The following ARHGEF4 variants were observed in gnomAD, a reference collection of about 807,000 sequenced individuals.
ARHGEF4 encodes Rho guanine nucleotide exchange factor 4.
A neutral mutation model predicts 162.0 loss-of-function variants in ARHGEF4; 119 were observed. The observed-to-expected ratio is 0.73, with a 90% confidence interval of 0.63 to 0.86. ARHGEF4 has a LOEUF of 0.86. Ranked by LOEUF, ARHGEF4 falls within the 40% of genes least tolerant of loss-of-function variation. ARHGEF4 has a pLI of 0.00. For missense variants in ARHGEF4, 2,488 were observed against 2,456.0 expected, an observed-to-expected ratio of 1.01 and a Z score of -0.28; for synonymous variants, 1,014 against 979.9, an observed-to-expected ratio of 1.03 and a Z score of -0.65.
intron 4 of ARHGEF4, among the ~76,000 whole-genome samples, chr2:130,960,068 T>TA (rs1208199634): frequency 6.6e-6 from 1 of 152,152 alleles, no homozygotes; most frequent in Non-Finnish European, 1.5e-5. Flanking sequence ...ATACACACAA[T>TA]ATATATACAG....
intron 1 of ARHGEF4, among the ~76,000 whole-genome samples, chr2:130,847,755 A>T (rs1451950300): frequency 6.6e-6 from 1 of 152,238 alleles, no homozygotes; most frequent in Non-Finnish European, 1.5e-5. Flanking sequence ...GAGGCTTCAC[A>T]GGAACAGTGC....
chr2:130,847,302 C>A (rs368395305), intron 1 of ARHGEF4, among the ~76,000 whole-genome samples: 169 of 152,274 alleles, frequency 1.1e-3, no homozygotes, highest in Admixed American at 1.8e-3. Flanking sequence ...CCTCTTGAAT[C>A]GCTTTTCACC....
intron 2 of ARHGEF4, among the ~76,000 whole-genome samples, chr2:130,926,550 G>T (rs1051251561): frequency 1.3e-5 from 2 of 152,130 alleles, no homozygotes; most frequent in African/African-American, 4.8e-5. Context: ...CTCCACTTTG[G>T]TGTGGGAAGG....
chr2:131,037,515 C>G (rs529801592), intron 5 of ARHGEF4, among the ~76,000 whole-genome samples: 4 of 152,202 alleles, frequency 2.6e-5, no homozygotes, highest in East Asian at 3.9e-4. Context: ...CTGTTTGTGA[C>G]ATTCCCATCC....
At chr2:130,999,766 G>A (rs371556625) in intron 4 of ARHGEF4, among the ~76,000 whole-genome samples, 56 of 152,240 alleles carry the variant, frequency 3.7e-4, no homozygotes, top group East Asian at 1.7e-3. Flanking sequence ...GCAGTGGCAC[G>A]ATCTTGGCTC....
At position 131,042,039 on chromosome 2, in the gene ARHGEF4, A is replaced by G. The variant is rs1404318520; in HGVS notation, c.5025+95A>G. 3 of 1,481,026 alleles carry G rather than the reference A, an allele frequency of 2.0e-6. No individual in the cohort carries two copies. The East Asian group carries it at 7.4e-5, about 36-fold the overall frequency. The allele number at this position is 1,481,026 out of a possible 1,614,324, so 91.7% of individuals were successfully genotyped here. A position where few individuals can be genotyped will look rare whatever the true frequency, so the allele number is the denominator to read the frequency against. Reference sequence around the variant, plus strand: ...GAAAAATCTAGAAGGGAGCTGAAGCAGGGAGCTGCGCTCCTGGGAGCTAGC... The same window carrying G: ...GAAAAATCTAGAAGGGAGCTGAAGCGGGGAGCTGCGCTCCTGGGAGCTAGC... On this transcript the variant is annotated intron_variant, in intron 10 of 13. Coordinates refer to ENST00000409359, the MANE Select transcript of ARHGEF4 (RefSeq NM_001367493.1).
rs80072480 is a variant in ARHGEF4, at chr2:130,995,090, A to G, written c.3986-32855A>G. Among the ~76,000 whole-genome samples the G allele has an allele frequency of 6.5e-3, 989 of 152,298 alleles. 9 individuals carry two copies. The highest frequency in any genetic ancestry group is 0.022 in the African/African-American group (933 of 41,556). Reference sequence around the variant, plus strand: ...TTGATGTCTGTCACTTATTTTGGAAAATTCTCAGCCATTCTTTTCAAACAT... The same window carrying G: ...TTGATGTCTGTCACTTATTTTGGAAGATTCTCAGCCATTCTTTTCAAACAT... On this transcript the variant is annotated intron_variant, in intron 4 of 13. Transcript: ENST00000409359.
rs1482757838 is a variant in ARHGEF4, at chr2:130,917,862, G to T, written c.3552+364G>T. On this transcript the variant is annotated intron_variant, in intron 2 of 13. Coordinates refer to ENST00000409359, the MANE Select transcript of ARHGEF4 (RefSeq NM_001367493.1). ...TTTTGAGACGGAGTCTCGCTCTGTC[G>T]CCCAGGCTGGAGTGCAGTCGCTCCA... Among the ~76,000 whole-genome samples, 3 of 126,420 alleles carry T rather than the reference G, an allele frequency of 2.4e-5. No homozygotes were observed. In the Admixed American group the frequency reaches 3.0e-4, roughly 13 times the overall value. The allele number at this position is 126,420 out of a possible 152,430, so 82.9% of individuals were successfully genotyped here.
At chr2:131,004,039 G>A (rs1200703312) in intron 4 of ARHGEF4, among the ~76,000 whole-genome samples, 1 of 152,160 alleles carries the variant, frequency 6.6e-6, no homozygotes, top group Non-Finnish European at 1.5e-5. Flanking sequence ...TAGAGCCCCT[G>A]CACACCCTGG....
intron 2 of ARHGEF4, among the ~76,000 whole-genome samples, chr2:130,918,166 G>C (rs1681638406): frequency 6.6e-6 from 1 of 152,146 alleles, no homozygotes; most frequent in South Asian, 2.1e-4. Context: ...AATTCCTCAT[G>C]TTGTCTTCTA....
Position 130,984,844 on chromosome 2 carries a change from C to T in ARHGEF4, c.3985+38209C>T, listed in dbSNP as rs144313382. 5.8e-4 allele frequency among the ~76,000 whole-genome samples: 88 copies of T among 152,194 alleles called. No homozygotes were observed. The East Asian group carries it at 0.012, about 21-fold the overall frequency. ...CAGTTGGGGTGCTTCCTTTCTCCAT[C>T]GGTTAGGCTTTTGGTTTTTGCAAAC... On this transcript the variant is annotated intron_variant, in intron 4 of 13. Transcript: ENST00000409359.
chr2:130,871,180 A>G (rs1030595469), intron 1 of ARHGEF4, among the ~76,000 whole-genome samples: 2 of 152,188 alleles, frequency 1.3e-5, no homozygotes, highest in Admixed American at 1.3e-4. Context: ...GCCTGGATAA[A>G]GGATTTTTCT....
chr2:130,948,431 A>G (rs1215947752), intron 4 of ARHGEF4, among the ~76,000 whole-genome samples: 1 of 152,214 alleles, frequency 6.6e-6, no homozygotes, highest in Non-Finnish European at 1.5e-5. Context: ...ATTAAGTCAT[A>G]GAGTTATTTA....
intron 1 of ARHGEF4, among the ~76,000 whole-genome samples, chr2:130,901,557 G>T (rs1680491307): frequency 1.3e-5 from 2 of 148,220 alleles, no homozygotes; most frequent in Admixed American, 6.7e-5. Flanking sequence ...TTTCGCTCTT[G>T]TTGCCCAGGC....
In ARHGEF4 at chr2:130,964,331, CT is replaced by C. The variant is rs924002339; in HGVS notation, c.3985+17699del. ...TTGGGACCCCCCGCCCCCCTCCTGC[CT>C]TTCCTTCTCCTCCCTCACTTTCTGC... is the stretch of plus-strand genomic sequence containing the variant. On this transcript the variant is annotated intron_variant, in intron 4 of 13. Coordinates refer to ENST00000409359, the MANE Select transcript of ARHGEF4 (RefSeq NM_001367493.1). 7.1e-6 allele frequency: 6 copies of C among 844,556 alleles called. No homozygotes were observed. In the African/African-American group the frequency reaches 9.2e-5, roughly 13 times the overall value. The allele number at this position is 844,556 out of a possible 1,614,324, so 52.3% of individuals were successfully genotyped here.
chr2:130,993,040 C>G (rs1205910809), intron 4 of ARHGEF4, among the ~76,000 whole-genome samples: 1 of 152,164 alleles, frequency 6.6e-6, no homozygotes, highest in Non-Finnish European at 1.5e-5. Context: ...GCTGAGATAG[C>G]GTCAGTGCAC....
chr2:131,006,900 C>T (rs1369187216), intron 4 of ARHGEF4, among the ~76,000 whole-genome samples: 1 of 152,182 alleles, frequency 6.6e-6, no homozygotes, highest in Non-Finnish European at 1.5e-5. Flanking sequence ...CCAGGTGGTC[C>T]TGCTGAACAC....
chr2:130,916,256 C>G lies in ARHGEF4; in HGVS notation c.2310C>G (p.Pro770=). 6.6e-7 allele frequency: 1 copy of G among 1,523,664 alleles called. No homozygotes were observed. Among genetic ancestry groups the G allele is most frequent in the Non-Finnish European group, 8.8e-7 (1 of 1,138,222 alleles). The allele number at this position is 1,523,664 out of a possible 1,614,324, so 94.4% of individuals were successfully genotyped here. The part of the protein sequence containing the change: ...AAARGQRPRV[P]ALEPPQPPRG... Reference sequence around the variant, plus strand: ...CCCGGGGCCAGCGCCCCCGCGTCCCCGCCTTGGAGCCGCCCCAGCCGCCAC... The same window carrying G: ...CCCGGGGCCAGCGCCCCCGCGTCCCGGCCTTGGAGCCGCCCCAGCCGCCAC... The change falls in exon 2 of 14, where the codon CCC becomes CCG. Residue 770 remains proline, a synonymous_variant. Transcript: ENST00000409359.
chr2:130,922,937 T>TATATAG, intron 2 of ARHGEF4, among the ~76,000 whole-genome samples: 1 of 150,144 alleles, frequency 6.7e-6, no homozygotes, highest in East Asian at 2.0e-4. Flanking sequence ...TATATATATA[T>TATATAG]ATATTTTGTT....
Sources: allele counts gnomAD v4.1 joint callset (sites outside exome capture counted in the v4.1 genomes callset), GRCh38; gene constraint gnomAD v4.1.1; transcripts MANE v1.5; gene names NCBI Gene and HGNC (gene_info 2026-07-23, HGNC 2026-07-21).